The following PRDM16 variants were observed in gnomAD, a reference collection of about 807,000 sequenced individuals.
PRDM16 encodes histone-lysine N-methyltransferase PRDM16.
PRDM16 carries 23 observed loss-of-function variants against 110.6 expected under a neutral mutation model. That is an observed-to-expected ratio of 0.21 (90% CI 0.15 to 0.29). The LOEUF is 0.29. Among genes scored for constraint, PRDM16 ranks in the 10% least tolerant of loss-of-function variants. The probability of loss-of-function intolerance (pLI) is 1.00; values close to 1 mark genes in which losing one functional copy is unlikely to be tolerated. For synonymous variants in PRDM16, 799 were observed against 781.8 expected (o/e 1.02, Z -0.37); for missense variants, 1,615 against 1,794.3 (o/e 0.90, Z 1.81).
intron 1 of PRDM16, among the ~76,000 whole-genome samples, chr1:3,118,683 CG>C (rs913818505): frequency 6.6e-6 from 1 of 152,180 alleles, no homozygotes; most frequent in African/African-American, 2.4e-5. Flanking sequence ...GACTGGCAGT[CG>C]GGGGGTGTCA....
rs1290710356 is a variant in PRDM16, at chr1:3,353,762, C to T, written c.439-31390C>T. On this transcript the variant is annotated intron_variant, in intron 3 of 16. Transcript: ENST00000270722. This position sits in a 1 kb window ranked among gnomAD's most constrained non-coding sequence, Gnocchi z 5.4. ...TGGCCAAGGGGGTTGCACTTGGGGC[C>T]GGACCTCCTGACTCCTGCCTCTGTG... 6.6e-6 allele frequency among the ~76,000 whole-genome samples: 1 copy of T among 152,174 alleles called. No homozygotes were observed. Among genetic ancestry groups the T allele is most frequent in the Non-Finnish European group, 1.5e-5 (1 of 68,020 alleles).
intron 3 of PRDM16, among the ~76,000 whole-genome samples, chr1:3,334,806 C>T (rs1642111898): frequency 6.6e-6 from 1 of 152,250 alleles, no homozygotes; most frequent in Non-Finnish European, 1.5e-5. Context: ...CACCCTCACT[C>T]AGCTCATTTC....
At chr1:3,305,925 A>C (rs1436124782) in intron 3 of PRDM16, among the ~76,000 whole-genome samples, 4 of 152,240 alleles carry the variant, frequency 2.6e-5, no homozygotes, top group Non-Finnish European at 4.4e-5. Context: ...TATGCCAGGC[A>C]CTGGCCTGGG....
At chr1:3,085,913 C>A (rs908908631) in intron 1 of PRDM16, among the ~76,000 whole-genome samples, 3 of 152,238 alleles carry the variant, frequency 2.0e-5, no homozygotes, top group African/African-American at 7.2e-5. Flanking sequence ...GGGCGCCCAG[C>A]CCTGAGAGTT....
chr1:3,233,556 G>T (rs982325386), intron 2 of PRDM16, among the ~76,000 whole-genome samples: 1 of 152,228 alleles, frequency 6.6e-6, no homozygotes, highest in Non-Finnish European at 1.5e-5. Context: ...CATTCCGCCA[G>T]CATCCTTCTC....
At chr1:3,160,988 G>A (rs557273495) in intron 1 of PRDM16, among the ~76,000 whole-genome samples, 19 of 152,212 alleles carry the variant, frequency 1.2e-4, no homozygotes, top group Middle Eastern at 6.8e-3. Flanking sequence ...CCGTCTATTC[G>A]GAGACCCTGA....
intron 1 of PRDM16, among the ~76,000 whole-genome samples, chr1:3,091,430 C>G (rs568949164): frequency 2.0e-5 from 3 of 152,202 alleles, no homozygotes; most frequent in African/African-American, 7.2e-5. Flanking sequence ...AGGTTGGCAA[C>G]GCTCAGCTTT....
intron 2 of PRDM16, among the ~76,000 whole-genome samples, chr1:3,193,149 G>A (rs77038162): frequency 0.012 from 1,842 of 152,242 alleles, 71 homozygotes; most frequent in East Asian, 0.099. Flanking sequence ...CCCAGCAGAC[G>A]CAGCGGCTTA....
intron 3 of PRDM16, among the ~76,000 whole-genome samples, chr1:3,266,825 GC>G (rs1187757959): frequency 6.6e-6 from 1 of 152,048 alleles, no homozygotes; most frequent in Non-Finnish European, 1.5e-5. Flanking sequence ...ACAGGCAACC[GC>G]CCCCACGCCC....
intron 14 of PRDM16, 38 bp downstream of exon 14, chr1:3,426,263 C>T (rs185738887): frequency 6.4e-5 from 102 of 1,587,338 alleles, no homozygotes; most frequent in East Asian, 5.2e-4. Flanking sequence ...AGTCTGGACC[C>T]GGCCAACAGC....
At chr1:3,284,895 C>T (rs2500301) in intron 3 of PRDM16, among the ~76,000 whole-genome samples, 15,037 of 152,230 alleles carry the variant, frequency 0.099, 2,444 homozygotes, top group African/African-American at 0.34. Flanking sequence ...GGGCAGCTTC[C>T]GAGCTTGGTG....
chr1:3,312,238 G>C (rs1225162594), intron 3 of PRDM16, among the ~76,000 whole-genome samples: 2 of 152,358 alleles, frequency 1.3e-5, no homozygotes, highest in African/African-American at 4.8e-5. Context: ...GGCGCCGTCA[G>C]CATCCTCGCC....
chr1:3,341,413 G>A (rs763343500), intron 3 of PRDM16, among the ~76,000 whole-genome samples: 1 of 152,184 alleles, frequency 6.6e-6, no homozygotes, highest in East Asian at 1.9e-4. Flanking sequence ...GCAACCTGGC[G>A]ACTTTGCCCC....
At chr1:3,340,440 CCCGGAGAG>C (rs1642248812) in intron 3 of PRDM16, among the ~76,000 whole-genome samples, 1 of 152,204 alleles carries the variant, frequency 6.6e-6, no homozygotes, top group Non-Finnish European at 1.5e-5. Context: ...AACACCCGCT[CCCGGAGAG>C]CCAGCGCCAT....
intron 1 of PRDM16, among the ~76,000 whole-genome samples, chr1:3,161,969 C>T (rs553487473): frequency 6.6e-6 from 1 of 152,312 alleles, no homozygotes; most frequent in Admixed American, 6.5e-5. Flanking sequence ...GCGCTCAGGG[C>T]ACTCGGTTGG....
rs1642451722 is a variant in PRDM16 at position 3,350,034 on chromosome 1, A to G, written c.439-35118A>G. Among the ~76,000 whole-genome samples the G allele has an allele frequency of 6.6e-6, 1 of 152,230 alleles. No homozygotes were observed. The highest frequency in any genetic ancestry group is 1.5e-5 in the Non-Finnish European group (1 of 68,046). On this transcript the variant is annotated intron_variant, in intron 3 of 16. Transcript: ENST00000270722. The surrounding 1 kb of genome is among the most constrained non-coding windows in gnomAD (Gnocchi z 7.1). ...TGACTCCTGTCTTTGAGGGGGGAAG[A>G]GGACAGGGCAGAAAAGACCTGGGGC...
Position 3,411,602 on chromosome 1 carries a change from A to G in PRDM16, c.1405A>G (p.Met469Val), listed in dbSNP as rs1643687151. The change falls in exon 9 of 17, where the codon ATG becomes GTG. Residue 469 changes from methionine to valine, a missense_variant. Transcript: ENST00000270722. ...PGLPLTPSPM[M>V]DKAKPSPSLN... ...CCTGCCCTTGACCCCCAGCCCCATG[A>G]TGGACAAGGCAAAACCCTCCCCCAG... The G allele has an allele frequency of 2.5e-6, 4 of 1,613,780 alleles. No individual in the cohort carries two copies. The African/African-American group carries it at 4.0e-5, about 16-fold the overall frequency.
chr1:3,206,044 G>C lies in PRDM16; in HGVS notation c.387+19570G>C, dbSNP rs1257307059. On this transcript the variant is annotated intron_variant, in intron 2 of 16. Transcript: ENST00000270722. The surrounding 1 kb of genome is among the most constrained non-coding windows in gnomAD (Gnocchi z 4.9). ...CCAGCTGTGTGTGAGCGAGACCGGG[G>C]CTAACAGCCCCCTACCTGCGTTCCC... The C allele has an allele frequency of 6.6e-6, 1 of 152,306 alleles. No individual in the cohort carries two copies. The highest frequency in any genetic ancestry group is 1.5e-5 in the Non-Finnish European group (1 of 68,100). 9.4% of individuals were successfully genotyped at this position (152,306 alleles called of 1,614,324 possible).
At chr1:3,105,456 C>T (rs530025478) in intron 1 of PRDM16, among the ~76,000 whole-genome samples, 1 of 152,358 alleles carries the variant, frequency 6.6e-6, no homozygotes, top group South Asian at 2.1e-4. Context: ...CGGAGCGCAG[C>T]CTTGCACCTG....
Sources: allele counts gnomAD v4.1 joint callset (sites outside exome capture counted in the v4.1 genomes callset), GRCh38; gene constraint gnomAD v4.1.1; non-coding constraint Gnocchi (gnomAD v3.1); transcripts MANE v1.5; gene names NCBI Gene and HGNC (gene_info 2026-07-23, HGNC 2026-07-21).